PDE4D: variants seen among roughly 807,000 people sequenced by gnomAD.
PDE4D encodes phosphodiesterase 4D, also known as 3',5'-cyclic-AMP phosphodiesterase 4D.
A neutral mutation model predicts 87.4 loss-of-function variants in PDE4D; 24 were observed. That is an observed-to-expected ratio of 0.27 (90% confidence interval 0.20 to 0.39). PDE4D has a LOEUF of 0.39. Among genes scored for constraint, PDE4D ranks in the 10% least tolerant of loss-of-function variants. PDE4D has a pLI of 1.00. For missense variants in PDE4D, 714 were observed against 1,041.0 expected (o/e 0.69, Z 4.32); for synonymous variants, 384 against 383.2 (o/e 1.00, Z -0.02).
At chr5:59,354,245 T>C (rs546506058) in intron 1 of PDE4D, among the ~76,000 whole-genome samples, 1 of 152,322 alleles carries the variant, frequency 6.6e-6, no homozygotes, top group African/African-American at 2.4e-5. Flanking sequence ...TTCTTTCAGT[T>C]GCTTCAATAA....
intron 1 of PDE4D, among the ~76,000 whole-genome samples, chr5:59,673,803 A>C (rs186464739): frequency 6.6e-6 from 1 of 152,244 alleles, no homozygotes; most frequent in African/African-American, 2.4e-5. Flanking sequence ...CATGGTCATT[A>C]TTAAACATAT....
chr5:59,663,490 T>C (rs1419368339), intron 1 of PDE4D, among the ~76,000 whole-genome samples: 2 of 152,204 alleles, frequency 1.3e-5, no homozygotes, highest in African/African-American at 2.4e-5. Context: ...ATTTTTCAAA[T>C]AGAAAATCAA....
chr5:60,004,808 G>A (rs545592457), intron 2 of PDE4D, among the ~76,000 whole-genome samples: 51 of 152,122 alleles, frequency 3.4e-4, no homozygotes, highest in Admixed American at 7.9e-4. Flanking sequence ...CATAAAAAGT[G>A]TTGGTGACTA....
At chr5:59,909,810 G>C (rs1385703912) in intron 3 of PDE4D, among the ~76,000 whole-genome samples, 1 of 152,036 alleles carries the variant, frequency 6.6e-6, no homozygotes, top group Non-Finnish European at 1.5e-5. Flanking sequence ...CTTGTCCCCT[G>C]TAGAAAACCT....
chr5:60,229,182 A>G (rs1322758080), intron 1 of PDE4D, among the ~76,000 whole-genome samples: 1 of 152,126 alleles, frequency 6.6e-6, no homozygotes, highest in Non-Finnish European at 1.5e-5. Context: ...TTAATAGTAG[A>G]AGTATATGTG....
At chr5:60,460,434 A>G in intron 1 of PDE4D, 1 of 1,381,076 alleles carries the variant, frequency 7.2e-7, no homozygotes, top group Admixed American at 1.7e-5. Context: ...ACACTTGTGG[A>G]TGCTTGACAA....
chr5:59,669,121 G>A (rs1471951385), intron 1 of PDE4D, among the ~76,000 whole-genome samples: 4 of 152,112 alleles, frequency 2.6e-5, no homozygotes, highest in South Asian at 2.1e-4. Context: ...TTGAGATGGA[G>A]TTTCGCTCTT....
At chr5:59,364,642 G>A (rs1281523560) in intron 1 of PDE4D, among the ~76,000 whole-genome samples, 2 of 152,142 alleles carry the variant, frequency 1.3e-5, no homozygotes, top group Non-Finnish European at 2.9e-5. Flanking sequence ...GCACTGGATG[G>A]TGAAATGCAT....
rs148744193 is a variant in PDE4D at position 60,184,466 on chromosome 5, C to T, written c.42+1091G>A. Among the ~76,000 whole-genome samples, 164 of 152,140 alleles carry T rather than the reference C, an allele frequency of 1.1e-3. 2 individuals carry two copies. The East Asian group carries it at 0.025, about 23-fold the overall frequency. On this transcript the variant is annotated intron_variant, in intron 2 of 16. Coordinates refer to the PDE4D transcript ENST00000502484. Reference sequence around the variant, plus strand: ...CAAATCCATGGCCCCTTCTTTTATGCAATAATCCATACAACCAAACACCAA... The same window carrying T: ...CAAATCCATGGCCCCTTCTTTTATGTAATAATCCATACAACCAAACACCAA...
In PDE4D at chr5:59,688,917, T is replaced by A. The variant is rs528368626; in HGVS notation, c.455+204251A>T. 2.0e-5 allele frequency among the ~76,000 whole-genome samples: 3 copies of A among 152,216 alleles called. No individual in the cohort carries two copies. The South Asian group carries it at 6.2e-4, about 32-fold the overall frequency. On this transcript the variant is annotated intron_variant, in intron 1 of 14. Coordinates refer to ENST00000340635, the MANE Select transcript of PDE4D (RefSeq NM_001104631.2). The stretch of plus-strand genomic sequence containing the variant: ...CCACTGATCCCACAGAAATACAAAC[T>A]ACTATCAGAGAATACTATAAACACC...
intron 1 of PDE4D, among the ~76,000 whole-genome samples, chr5:59,396,899 A>T (rs369863311): frequency 1.3e-4 from 15 of 113,582 alleles, no homozygotes; most frequent in East Asian, 5.7e-4. Flanking sequence ...TCTACCAAGC[A>T]AATGGAAAAC....
At chr5:59,373,690 T>C (rs2153599521) in intron 1 of PDE4D, among the ~76,000 whole-genome samples, 2 of 152,196 alleles carry the variant, frequency 1.3e-5, no homozygotes, top group Admixed American at 1.3e-4. Flanking sequence ...AAACTCCTGG[T>C]AAGGTACTTC....
intron 2 of PDE4D, among the ~76,000 whole-genome samples, chr5:60,010,272 C>T (rs1764903166): frequency 2.0e-5 from 3 of 152,062 alleles, no homozygotes; most frequent in Admixed American, 6.6e-5. Context: ...TAGTGCCCAC[C>T]GCATGCAGTA....
intron 6 of PDE4D, among the ~76,000 whole-genome samples, chr5:59,034,031 G>T (rs1031250886): frequency 1.3e-5 from 2 of 152,058 alleles, no homozygotes; most frequent in African/African-American, 2.4e-5. Context: ...CTACTTTTCA[G>T]TGAAAGAAAA....
chr5:59,199,321 G>A (rs1380407688), intron 2 of PDE4D, among the ~76,000 whole-genome samples: 1 of 150,824 alleles, frequency 6.6e-6, no homozygotes, highest in African/African-American at 2.4e-5. Flanking sequence ...TTGAACTCCT[G>A]GGCTGAAGTG....
chr5:59,644,910 A>G (rs1742195719), intron 1 of PDE4D, among the ~76,000 whole-genome samples: 1 of 152,212 alleles, frequency 6.6e-6, no homozygotes, highest in South Asian at 2.1e-4. Flanking sequence ...ACTTCTTCCT[A>G]TGCAAGTCAA....
At chr5:59,190,667 T>C (rs1371873497) in intron 3 of PDE4D, among the ~76,000 whole-genome samples, 1 of 152,088 alleles carries the variant, frequency 6.6e-6, no homozygotes, top group Non-Finnish European at 1.5e-5. Flanking sequence ...TGCTTTACTT[T>C]GTATTAAAGA....
At chr5:59,145,569 C>T (rs998287012) in intron 5 of PDE4D, among the ~76,000 whole-genome samples, 2 of 152,180 alleles carry the variant, frequency 1.3e-5, no homozygotes, top group African/African-American at 2.4e-5. Flanking sequence ...ATGTGCAGAT[C>T]TTTCCTAAAG....
At chr5:59,406,501 C>T (rs1791695273) in intron 1 of PDE4D, among the ~76,000 whole-genome samples, 2 of 150,224 alleles carry the variant, frequency 1.3e-5, no homozygotes, top group South Asian at 2.1e-4. Flanking sequence ...AGCAATTCTC[C>T]TGCCTCAGCC....
Sources: allele counts gnomAD v4.1 joint callset (sites outside exome capture counted in the v4.1 genomes callset), GRCh38; gene constraint gnomAD v4.1.1; transcripts MANE v1.5; gene names NCBI Gene and HGNC (gene_info 2026-07-23, HGNC 2026-07-21).